Variants in POTEC observed in about 807,000 individuals in gnomAD.
The protein encoded by POTEC is ANKRD26-like family B member 2.
In POTEC, 35 loss-of-function variants were observed where a neutral mutation model predicts 62.0. The observed-to-expected ratio is 0.56, with a 90% confidence interval of 0.43 to 0.75. POTEC has a LOEUF of 0.75. Among genes scored for constraint, POTEC ranks in the 30% least tolerant of loss-of-function variants. POTEC has a pLI of 0.00. For missense variants in POTEC, 472 were observed against 655.9 expected (o/e 0.72, Z 3.06); for synonymous variants, 156 against 221.5 (o/e 0.70, Z 2.62).
At chr18:14,535,096 C>T (rs970842456) in intron 3 of POTEC, 89 bp from the exon 4 acceptor site, 239 of 1,558,332 alleles carry the variant, frequency 1.5e-4, no homozygotes, top group Non-Finnish European at 2.0e-4. Context: ...CTTACACTCA[C>T]AGAAAGTAAA....
intron 4 of POTEC, among the ~76,000 whole-genome samples, chr18:14,534,210 T>C (rs1199031796): frequency 6.6e-6 from 1 of 150,924 alleles, no homozygotes; most frequent in Non-Finnish European, 1.5e-5. Context: ...TTACTGAGAA[T>C]GATGATTTCC....
chr18:14,534,731 GTTCT>G (rs1427330503), intron 4 of POTEC, among the ~76,000 whole-genome samples, 166 bp downstream of exon 4: 7 of 150,516 alleles, frequency 4.7e-5, no homozygotes, highest in African/African-American at 9.8e-5. Flanking sequence ...TACTAAAACA[GTTCT>G]TTATGTTGCC....
chr18:14,523,637 A>G (rs1319805351), intron 7 of POTEC, 130 bp from the exon 8 acceptor site: 4 of 327,104 alleles, frequency 1.2e-5, no homozygotes, highest in African/African-American at 8.8e-5. Flanking sequence ...AGAAAATAAA[A>G]TAAAATTTAA....
rs540152352 is a variant in POTEC, at chr18:14,542,774, C to A, written c.373G>T (p.Asp125Tyr). Residue 125 changes from aspartate to tyrosine, a missense_variant, in exon 1 of 11, where the codon GAC (aspartate) becomes TAC (tyrosine). Physicochemically the swap from Asp to Tyr is radical, Grantham distance 160. Transcript: ENST00000358970. ...TACCTCGGCTCCATGAAGGCGCTGT[C>A]GTCGTAGTCTCCCCAAGCGCCCACG... ...SNVGAWGDYDDSAFMEPRYHV... is the reference protein window; with the variant it reads ...SNVGAWGDYDYSAFMEPRYHV... The A allele has an allele frequency of 3.1e-6, 5 of 1,613,630 alleles. No individual in the cohort carries two copies. The highest frequency in any genetic ancestry group is 3.3e-5 in the Admixed American group (2 of 59,990).
At chr18:14,533,420 G>A (rs1430777882) in intron 4 of POTEC, among the ~76,000 whole-genome samples, 1 of 152,052 alleles carries the variant, frequency 6.6e-6, no homozygotes, top group African/African-American at 2.4e-5. Flanking sequence ...TATCTCAGTG[G>A]GGTATTGCAT....
chr18:14,539,424 C>T (rs1431677862), intron 1 of POTEC, among the ~76,000 whole-genome samples: 6 of 142,254 alleles, frequency 4.2e-5, no homozygotes, highest in African/African-American at 1.3e-4. Flanking sequence ...TCTTTCCTTC[C>T]TCCCACCCTC....
chr18:14,532,575 T>C (rs1482018208), intron 5 of POTEC, among the ~76,000 whole-genome samples: 2 of 152,144 alleles, frequency 1.3e-5, no homozygotes, highest in African/African-American at 4.8e-5. Flanking sequence ...AACAGAATGA[T>C]TGGAATGTCC....
At chr18:14,541,390 A>G (rs947118290) in intron 1 of POTEC, among the ~76,000 whole-genome samples, 6 of 152,170 alleles carry the variant, frequency 3.9e-5, no homozygotes, top group African/African-American at 1.4e-4. Flanking sequence ...TCATGACTGT[A>G]ATCTCAGCAC....
intron 9 of POTEC, among the ~76,000 whole-genome samples, chr18:14,514,622 G>A (rs1910101091): frequency 6.6e-6 from 1 of 151,934 alleles, no homozygotes; most frequent in African/African-American, 2.4e-5. Flanking sequence ...ATGAGAGAGA[G>A]ATGTGAAATA....
At chr18:14,538,686 T>G (rs1265470754) in intron 1 of POTEC, among the ~76,000 whole-genome samples, 3 of 152,114 alleles carry the variant, frequency 2.0e-5, no homozygotes, top group Admixed American at 2.0e-4. Flanking sequence ...TTTTTACTAA[T>G]ACCACTAAAG....
intron 6 of POTEC, 88 bp from the exon 7 acceptor site, chr18:14,525,071 AT>A (rs1236765886): frequency 1.3e-6 from 2 of 1,530,474 alleles, no homozygotes; most frequent in African/African-American, 2.8e-5. Context: ...TGAAGACAGC[AT>A]TTTATTTTAT....
At chr18:14,513,837 C>A (rs1471458918) in intron 9 of POTEC, 52 bp from the exon 10 acceptor site, 1 of 1,600,056 alleles carries the variant, frequency 6.2e-7, no homozygotes, top group African/African-American at 1.3e-5. Flanking sequence ...CTAAAATGAT[C>A]TACAGGGCAA....
intron 4 of POTEC, among the ~76,000 whole-genome samples, chr18:14,533,696 C>T (rs1598480912): frequency 6.6e-6 from 1 of 152,240 alleles, no homozygotes; most frequent in East Asian, 1.9e-4. Context: ...GAATTAAATG[C>T]CACATGTATC....
At chr18:14,526,743 G>GAGTAGGGCAGA (rs1910447359) in intron 6 of POTEC, among the ~76,000 whole-genome samples, 1 of 152,292 alleles carries the variant, frequency 6.6e-6, no homozygotes, top group African/African-American at 2.4e-5. Flanking sequence ...TAACGATGTA[G>GAGTAGGGCAGA]AGTAGGGCAG....
At chr18:14,539,366 T>C (rs2143168669) in intron 1 of POTEC, among the ~76,000 whole-genome samples, 1 of 151,358 alleles carries the variant, frequency 6.6e-6, no homozygotes, top group Non-Finnish European at 1.5e-5. Context: ...ACAGATTATT[T>C]CATTACCCAG....
intron 6 of POTEC, among the ~76,000 whole-genome samples, chr18:14,527,427 A>C (rs1289843823): frequency 6.6e-6 from 1 of 152,096 alleles, no homozygotes; most frequent in Non-Finnish European, 1.5e-5. Flanking sequence ...GCACTCTAGG[A>C]CTGACTTTGC....
chr18:14,534,366 A>G (rs1407771862), intron 4 of POTEC, among the ~76,000 whole-genome samples: 3 of 152,126 alleles, frequency 2.0e-5, no homozygotes, highest in African/African-American at 4.8e-5. Flanking sequence ...GAAGAAAAAA[A>G]GCTGTTGAAC....
intron 6 of POTEC, among the ~76,000 whole-genome samples, chr18:14,530,227 A>G (rs1251560195): frequency 6.6e-6 from 1 of 151,114 alleles, no homozygotes; most frequent in Non-Finnish European, 1.5e-5. Flanking sequence ...CCCAGATGAG[A>G]CCATCTAGTT....
intron 5 of POTEC, among the ~76,000 whole-genome samples, chr18:14,531,492 A>G (rs112607899): frequency 0.026 from 3,955 of 152,266 alleles, 84 homozygotes; most frequent in Non-Finnish European, 0.037. Flanking sequence ...TGACATACAT[A>G]CTTATAATAT....
Sources: gnomAD v4.1 joint callset for allele counts (sites outside exome capture counted in the v4.1 genomes callset) on GRCh38, gnomAD v4.1.1 for gene constraint, MANE v1.5 for transcripts, NCBI Gene and HGNC (gene_info 2026-07-23, HGNC 2026-07-21) for gene names.